ARHGAP15: variants seen among roughly 807,000 people sequenced by gnomAD.
ARHGAP15 encodes the protein rho GTPase-activating protein 15.
A neutral mutation model predicts 63.7 loss-of-function variants in ARHGAP15; 51 were observed. That is an observed-to-expected ratio of 0.80 (90% CI 0.64 to 1.01). ARHGAP15 has a LOEUF of 1.01. ARHGAP15 is among the 50% of genes least tolerant of loss of function. The pLI, the probability that ARHGAP15 is intolerant of heterozygous loss-of-function variation, is 0.00. For synonymous variants in ARHGAP15, 191 were observed against 193.8 expected (o/e 0.99, Z 0.12); for missense variants, 560 against 564.6 (o/e 0.99, Z 0.08).
chr2:143,252,174 G>C (rs1050628468), intron 6 of ARHGAP15, among the ~76,000 whole-genome samples: 2 of 152,010 alleles, frequency 1.3e-5, no homozygotes, highest in Non-Finnish European at 2.9e-5. Flanking sequence ...ATCTTATGAA[G>C]AGTTAAATTA....
At chr2:143,494,892 A>G (rs539244694) in intron 9 of ARHGAP15, among the ~76,000 whole-genome samples, 1 of 152,240 alleles carries the variant, frequency 6.6e-6, no homozygotes, top group Non-Finnish European at 1.5e-5. Context: ...TACTGCTGAT[A>G]GTCAATTTTT....
At chr2:143,280,320 G>A (rs1681778298) in intron 6 of ARHGAP15, among the ~76,000 whole-genome samples, 1 of 152,116 alleles carries the variant, frequency 6.6e-6, no homozygotes, top group Non-Finnish European at 1.5e-5. Flanking sequence ...AAGAAAGGAT[G>A]TAGGGAGCAC....
At chr2:143,458,932 C>T (rs1291292516) in intron 8 of ARHGAP15, among the ~76,000 whole-genome samples, 1 of 152,094 alleles carries the variant, frequency 6.6e-6, no homozygotes, top group East Asian at 1.9e-4. Flanking sequence ...CTGTTTGGTA[C>T]ATGATACTAA....
chr2:143,350,109 TA>T (rs1409530452), intron 6 of ARHGAP15, among the ~76,000 whole-genome samples: 2 of 152,202 alleles, frequency 1.3e-5, no homozygotes, highest in African/African-American at 2.4e-5. Context: ...AGAGAGTATA[TA>T]AAAATATATT....
chr2:143,178,551 T>A (rs1271127759), intron 2 of ARHGAP15, among the ~76,000 whole-genome samples: 1 of 152,226 alleles, frequency 6.6e-6, no homozygotes, highest in Non-Finnish European at 1.5e-5. Context: ...AAGTGCATTT[T>A]ACTGATTTGG....
intron 13 of ARHGAP15, among the ~76,000 whole-genome samples, chr2:143,726,104 C>T (rs1413564514): frequency 1.3e-5 from 2 of 152,122 alleles, no homozygotes; most frequent in Non-Finnish European, 2.9e-5. Flanking sequence ...AGATTATCAC[C>T]AGGATCCATT....
rs1023455843 is a variant in ARHGAP15, at chr2:143,519,420, A to G, written c.925+56A>G. On this transcript the variant is annotated intron_variant, in intron 10 of 13. Coordinates refer to ENST00000295095, the MANE Select transcript of ARHGAP15 (RefSeq NM_018460.4). ...CATTACTGCACCCTCTACACAACCA[A>G]TACTCAAGTTAGCAGTGCCACCTGA... 2.1e-4 allele frequency: 300 copies of G among 1,417,946 alleles called. 3 individuals are homozygous for G. The highest frequency in any genetic ancestry group is 1.8e-4 in the Middle Eastern group (1 of 5,620). The allele number at this position is 1,417,946 out of a possible 1,614,324, so 87.8% of individuals were successfully genotyped here. A position where few individuals can be genotyped will look rare whatever the true frequency, so the allele number is the denominator to read the frequency against.
intron 6 of ARHGAP15, among the ~76,000 whole-genome samples, chr2:143,326,570 A>G (rs1036693971): frequency 3.9e-5 from 6 of 152,126 alleles, no homozygotes; most frequent in African/African-American, 1.4e-4. Context: ...TTCTCCAACA[A>G]TTAACTCATT....
chr2:143,432,781 C>G (rs1195630017), intron 6 of ARHGAP15, among the ~76,000 whole-genome samples: 2 of 152,038 alleles, frequency 1.3e-5, no homozygotes, highest in African/African-American at 4.8e-5. Flanking sequence ...ATTAAGGTTA[C>G]TTTGGTGCCC....
chr2:143,748,756 G>A (rs376456672), intron 13 of ARHGAP15, among the ~76,000 whole-genome samples: 1 of 152,154 alleles, frequency 6.6e-6, no homozygotes, highest in East Asian at 1.9e-4. Flanking sequence ...TTCAGCCATT[G>A]TCAGGAAGTT....
At chr2:143,728,907 T>C (rs1324180148) in intron 13 of ARHGAP15, among the ~76,000 whole-genome samples, 1 of 152,216 alleles carries the variant, frequency 6.6e-6, no homozygotes, top group East Asian at 1.9e-4. Context: ...ATCATTATTA[T>C]TTTTATTATT....
chr2:143,201,824 T>C (rs1692130573), intron 2 of ARHGAP15, among the ~76,000 whole-genome samples: 2 of 152,268 alleles, frequency 1.3e-5, no homozygotes, highest in African/African-American at 2.4e-5. Flanking sequence ...ACTTCTGCTG[T>C]ACTTTTTTAT....
At chr2:143,464,037 A>G (rs931388885) in intron 8 of ARHGAP15, among the ~76,000 whole-genome samples, 6 of 152,178 alleles carry the variant, frequency 3.9e-5, no homozygotes, top group Non-Finnish European at 7.4e-5. Flanking sequence ...CAACAGTAAA[A>G]TGTTGCTTTC....
chr2:143,138,514 C>T (rs901693082), intron 1 of ARHGAP15, among the ~76,000 whole-genome samples: 1 of 152,112 alleles, frequency 6.6e-6, no homozygotes, highest in African/African-American at 2.4e-5. Flanking sequence ...CTGTAGGAAA[C>T]CTGTTGTTTC....
chr2:143,251,609 A>T (rs1680161293), intron 6 of ARHGAP15, among the ~76,000 whole-genome samples: 1 of 152,078 alleles, frequency 6.6e-6, no homozygotes, highest in South Asian at 2.1e-4. Context: ...ACATTCTAGA[A>T]TAAATTACTT....
At chr2:143,320,971 A>G (rs1194607891) in intron 6 of ARHGAP15, among the ~76,000 whole-genome samples, 1 of 152,162 alleles carries the variant, frequency 6.6e-6, no homozygotes, top group African/African-American at 2.4e-5. Flanking sequence ...CCTTGCAGCC[A>G]GCACCAGGCT....
chr2:143,457,315 G>A (rs1443334967), intron 8 of ARHGAP15, among the ~76,000 whole-genome samples: 3 of 151,946 alleles, frequency 2.0e-5, no homozygotes, highest in African/African-American at 7.2e-5. Context: ...GAGACTAGAG[G>A]ATCACTTGAG....
intron 5 of ARHGAP15, among the ~76,000 whole-genome samples, chr2:143,249,584 TTATC>T (rs1558841022): frequency 6.6e-6 from 1 of 152,120 alleles, no homozygotes; most frequent in African/African-American, 2.4e-5. Context: ...CCTAGAAAAT[TTATC>T]TGTGGAGAAA....
chr2:143,228,129 T>G (rs2105170415), intron 4 of ARHGAP15: 1 of 152,362 alleles, frequency 6.6e-6, no homozygotes, highest in East Asian at 1.9e-4. Flanking sequence ...ATGAAAATAT[T>G]TTGAATTAAG....
Sources: gnomAD v4.1 joint callset for allele counts (sites outside exome capture counted in the v4.1 genomes callset) on GRCh38, gnomAD v4.1.1 for gene constraint, MANE v1.5 for transcripts, NCBI Gene and HGNC (gene_info 2026-07-23, HGNC 2026-07-21) for gene names.